Variants in ROBO1 observed in about 807,000 individuals in gnomAD.
ROBO1 encodes the protein roundabout guidance receptor 1.
In ROBO1, 149 loss-of-function variants were observed where a neutral mutation model predicts 195.9. The ratio of observed to expected loss-of-function variants is 0.76; its 90% CI spans 0.67 to 0.87. ROBO1 has a LOEUF of 0.87. Ranked by LOEUF, ROBO1 falls within the 40% of genes least tolerant of loss-of-function variation. ROBO1 has a pLI of 0.00. For missense variants in ROBO1, 1,933 were observed against 2,068.3 expected (o/e 0.93, Z 1.27); for synonymous variants, 816 against 733.2 (o/e 1.11, Z -1.82).
In ROBO1 at chr3:79,631,880, C is replaced by G. The variant is rs113432306; in HGVS notation, c.-50-41919G>C. ...GCCAAAATACATATGAAAAAATGCT[C>G]AACATCACTAATTATAAGAGAAATG... is the stretch of plus-strand genomic sequence containing the variant. On this transcript the variant is annotated intron_variant, in intron 1 of 30. Coordinates refer to ENST00000464233, the MANE Select transcript of ROBO1 (RefSeq NM_002941.4). 6.6e-3 allele frequency among the ~76,000 whole-genome samples: 1,005 copies of G among 152,094 alleles called. 10 individuals are homozygous for G. Among genetic ancestry groups the G allele is most frequent in the African/African-American group, 0.023 (946 of 41,518 alleles).
chr3:79,760,865 CA>C (rs1704661930), intron 1 of ROBO1, among the ~76,000 whole-genome samples: 1 of 146,710 alleles, frequency 6.8e-6, no homozygotes, highest in South Asian at 2.2e-4. Context: ...GGTTTGGGGG[CA>C]AAAAAGAGAA....
intron 4 of ROBO1, among the ~76,000 whole-genome samples, chr3:78,859,538 CA>C (rs891787672): frequency 6.6e-6 from 1 of 151,846 alleles, no homozygotes; most frequent in Admixed American, 6.6e-5. Flanking sequence ...AGAATAGGAC[CA>C]AGGGAATATA....
At chr3:79,658,354 A>G in intron 1 of ROBO1, among the ~76,000 whole-genome samples, 1 of 152,090 alleles carries the variant, frequency 6.6e-6, no homozygotes, top group East Asian at 1.9e-4. Flanking sequence ...TCAAATAATT[A>G]GGTTGTTATA....
chr3:78,597,612 TCTA>T lies in ROBO1; in HGVS notation c.*1298_*1300del, dbSNP rs1345428437. On this transcript the variant is annotated 3_prime_UTR_variant, in exon 31 of 31. Coordinates refer to ENST00000464233, the MANE Select transcript of ROBO1 (RefSeq NM_002941.4). ...AAATGACAAAAAAGGATCATAGAAA[TCTA>T]CTAGTCAGAGGGCATCATTTGTCAA... The T allele has an allele frequency of 6.6e-6, 1 of 152,230 alleles. No individual in the cohort carries two copies. The highest frequency in any genetic ancestry group is 1.9e-4 in the East Asian group (1 of 5,194). The allele number at this position is 152,230 out of a possible 1,614,324, so 9.4% of individuals were successfully genotyped here. A position where few individuals can be genotyped will look rare whatever the true frequency, so the allele number is the denominator to read the frequency against.
chr3:79,352,604 C>T (rs929966548), intron 2 of ROBO1, among the ~76,000 whole-genome samples: 2 of 152,160 alleles, frequency 1.3e-5, no homozygotes, highest in Non-Finnish European at 2.9e-5. Flanking sequence ...TACAGAAGTG[C>T]TCTGTCACTA....
chr3:79,365,836 G>T (rs1399076326), intron 2 of ROBO1, among the ~76,000 whole-genome samples: 1 of 150,520 alleles, frequency 6.6e-6, no homozygotes, highest in Non-Finnish European at 1.5e-5. Flanking sequence ...GGCGGAGCTT[G>T]CAGTGAGCCG....
At chr3:79,596,680 G>A (rs2107845272) in intron 1 of ROBO1, among the ~76,000 whole-genome samples, 1 of 152,102 alleles carries the variant, frequency 6.6e-6, no homozygotes, top group Non-Finnish European at 1.5e-5. Flanking sequence ...TAACTCGTCT[G>A]CAAGAAAATA....
chr3:79,705,649 GTTGGC>G (rs1184335173), intron 1 of ROBO1, among the ~76,000 whole-genome samples: 1 of 151,978 alleles, frequency 6.6e-6, no homozygotes, highest in African/African-American at 2.4e-5. Flanking sequence ...TTTTTATAGT[GTTGGC>G]TATGCTAGGT....
chr3:78,904,748 A>G (rs1017772663), intron 4 of ROBO1, among the ~76,000 whole-genome samples: 6 of 150,604 alleles, frequency 4.0e-5, no homozygotes, highest in African/African-American at 1.5e-4. Context: ...ATGTATATGT[A>G]TATATGTGTG....
intron 2 of ROBO1, among the ~76,000 whole-genome samples, chr3:79,229,956 T>C (rs1031526947): frequency 1.3e-5 from 2 of 152,186 alleles, no homozygotes; most frequent in Admixed American, 6.5e-5. Context: ...TCTTTCAGTA[T>C]ACCTAGTATT....
At chr3:79,479,523 C>T (rs1220831576) in intron 2 of ROBO1, among the ~76,000 whole-genome samples, 1 of 152,138 alleles carries the variant, frequency 6.6e-6, no homozygotes, top group African/African-American at 2.4e-5. Flanking sequence ...GGTTGGAGAA[C>T]CCTGATCTAC....
intron 1 of ROBO1, among the ~76,000 whole-genome samples, chr3:79,750,470 A>C (rs1284335676): frequency 1.3e-5 from 2 of 152,176 alleles, no homozygotes; most frequent in African/African-American, 4.8e-5. Flanking sequence ...GCCAGGGCAG[A>C]ATTATATGAG....
intron 2 of ROBO1, among the ~76,000 whole-genome samples, chr3:79,537,153 G>A (rs535517912): frequency 8.6e-5 from 13 of 150,450 alleles, no homozygotes; most frequent in African/African-American, 3.0e-4. Context: ...CAAAGATACA[G>A]AGAACCTGAG....
chr3:78,797,199 T>C (rs942298873), intron 4 of ROBO1, among the ~76,000 whole-genome samples: 1 of 152,204 alleles, frequency 6.6e-6, no homozygotes, highest in Non-Finnish European at 1.5e-5. Context: ...TAAATGAGTG[T>C]ACCATGACAC....
chr3:79,522,555 T>C (rs1453145220), intron 2 of ROBO1, among the ~76,000 whole-genome samples: 2 of 152,118 alleles, frequency 1.3e-5, no homozygotes, highest in Admixed American at 6.6e-5. Flanking sequence ...TGCATTTCCA[T>C]CCACCCAAGG....
intron 2 of ROBO1, among the ~76,000 whole-genome samples, chr3:79,400,000 T>C (rs1449835881): frequency 1.3e-5 from 2 of 152,176 alleles, no homozygotes; most frequent in South Asian, 2.1e-4. Flanking sequence ...GTTTATTGGG[T>C]GCACATTTAC....
chr3:79,416,108 T>A (rs139602401), intron 2 of ROBO1, among the ~76,000 whole-genome samples: 263 of 152,176 alleles, frequency 1.7e-3, no homozygotes, highest in African/African-American at 6.1e-3. Context: ...TCAAATCTAG[T>A]AAGAATCAGC....
intron 2 of ROBO1, among the ~76,000 whole-genome samples, chr3:79,404,898 A>G (rs1459799056): frequency 6.6e-6 from 1 of 152,166 alleles, no homozygotes. Context: ...GATATGTGTA[A>G]TCAAATTCAT....
intron 4 of ROBO1, among the ~76,000 whole-genome samples, chr3:78,766,894 A>T (rs551843773): frequency 6.6e-6 from 1 of 151,990 alleles, no homozygotes; most frequent in Non-Finnish European, 1.5e-5. Flanking sequence ...TTTTATTGTT[A>T]ATTCTGTTTA....
Sources: gnomAD v4.1 joint callset for allele counts (sites outside exome capture counted in the v4.1 genomes callset) on GRCh38, gnomAD v4.1.1 for gene constraint, MANE v1.5 for transcripts, NCBI Gene and HGNC (gene_info 2026-07-23, HGNC 2026-07-21) for gene names.